The following CCP110 variants were observed in gnomAD, a reference collection of about 807,000 sequenced individuals.
The protein encoded by CCP110 is centriolar coiled-coil protein 110.
Under a neutral mutation model 105.5 loss-of-function variants are expected in CCP110, and 43 were observed. The observed-to-expected ratio is 0.41, with a 90% CI of 0.32 to 0.53. The LOEUF (loss-of-function observed/expected upper bound fraction) is 0.53. Among genes scored for constraint, CCP110 ranks in the 20% least tolerant of loss-of-function variants. The probability of loss-of-function intolerance (pLI) is 0.32; values close to 1 mark genes in which losing one functional copy is unlikely to be tolerated. For synonymous variants in CCP110, 353 were observed against 392.1 expected (o/e 0.90, Z 1.18); for missense variants, 1,016 against 1,189.1 (o/e 0.85, Z 2.14).
intron 1 of CCP110, chr16:19,526,465 C>T (rs988691518): frequency 6.6e-6 from 1 of 152,072 alleles, no homozygotes; most frequent in Non-Finnish European, 1.5e-5. Flanking sequence ...ATTGTTTTTA[C>T]TTTTGCTTTT....
In CCP110 at chr16:19,548,634, A is replaced by G. The variant is rs1420098731; in HGVS notation, c.2986+34A>G. On this transcript the variant is annotated intron_variant, in intron 14 of 14. Coordinates refer to ENST00000381396, the Ensembl canonical transcript of CCP110. The surrounding 1 kb of genome is among the most constrained non-coding windows in gnomAD (Gnocchi z 4.1). ...AAAATAAATTCCTGAAGCCCATTCAATAGAAGGAAGTGCACAAGCTGCCCC... is the reference window on the plus strand; with the variant it reads ...AAAATAAATTCCTGAAGCCCATTCAGTAGAAGGAAGTGCACAAGCTGCCCC... The G allele has an allele frequency of 1.5e-6, 2 of 1,371,340 alleles. No individual in the cohort carries two copies. The highest frequency in any genetic ancestry group is 1.4e-5 in the African/African-American group (1 of 69,154). The allele number at this position is 1,371,340 out of a possible 1,614,324, so 84.9% of individuals were successfully genotyped here. A position where few individuals can be genotyped will look rare whatever the true frequency, so the allele number is the denominator to read the frequency against.
Position 19,532,396 on chromosome 16 carries a change from A to G in CCP110, c.142-20A>G, listed in dbSNP as rs201106183. 40 of 1,562,102 alleles carry G rather than the reference A, an allele frequency of 2.6e-5. No individual in the cohort carries two copies. The Admixed American group carries it at 8.6e-4, about 34-fold the overall frequency. On this transcript the variant is annotated intron_variant, in intron 2 of 14. Coordinates refer to ENST00000381396, the Ensembl canonical transcript of CCP110. ...TATTTTTATCGTGGGAAATAATTACATTTTTATGATGTTTTGCAGCTTAAC... is the reference window on the plus strand; with the variant it reads ...TATTTTTATCGTGGGAAATAATTACGTTTTTATGATGTTTTGCAGCTTAAC...
intron 4 of CCP110, among the ~76,000 whole-genome samples, chr16:19,538,784 G>C (rs1436181475): frequency 6.6e-6 from 1 of 151,972 alleles, no homozygotes; most frequent in East Asian, 1.9e-4. Context: ...ATTAGACAAA[G>C]TATCAGAAAT....
chr16:19,551,137 T>G (rs1970624857), intron 14 of CCP110, 59 bp from the exon 14 acceptor site: 1 of 970,076 alleles, frequency 1.0e-6, no homozygotes, highest in East Asian at 2.4e-5. Flanking sequence ...ACTCATTAAA[T>G]GGTATCATTA....
chr16:19,534,125 A>G (rs17324665), intron 3 of CCP110, among the ~76,000 whole-genome samples: 5,206 of 152,214 alleles, frequency 0.034, 164 homozygotes, highest in Non-Finnish European at 0.048. Context: ...ACAGTAGTAT[A>G]TAGTGTGTGG....
At chr16:19,531,481 G>C (rs74791040) in intron 2 of CCP110, among the ~76,000 whole-genome samples, 5,943 of 152,154 alleles carry the variant, frequency 0.039, 236 homozygotes, top group East Asian at 0.18. Flanking sequence ...CCATTTTTTA[G>C]GTACATTATA....
chr16:19,540,616 C>G, intron 4 of CCP110, 41 bp from the exon 5 acceptor site: 1 of 1,552,542 alleles, frequency 6.4e-7, no homozygotes, highest in Non-Finnish European at 8.9e-7. Context: ...AGACATTAGA[C>G]TTGTGAATTT....
chr16:19,544,743 G>A, intron 8 of CCP110, 54 bp from the exon 9 acceptor site: 1 of 944,356 alleles, frequency 1.1e-6, no homozygotes, highest in Admixed American at 2.0e-5. Context: ...GCAAACTCCA[G>A]TGATCACAAA....
chr16:19,529,113 A>G (rs1480889567), intron 2 of CCP110, among the ~76,000 whole-genome samples: 3 of 152,248 alleles, frequency 2.0e-5, no homozygotes, highest in African/African-American at 7.2e-5. Context: ...ATTCGTAGAT[A>G]TAAAATGGTT....
chr16:19,537,460 A>C (rs1015539839), exon 4 of CCP110: 6 of 1,612,834 alleles, frequency 3.7e-6, no homozygotes, highest in Non-Finnish European at 5.1e-6. Context: ...GTTTGCAAAA[A>C]GAAAACTGCC....
rs1258848271 is a variant in CCP110 at position 19,542,563 on chromosome 16, G to A, written c.2228-58G>A. 1.1e-5 allele frequency: 14 copies of A among 1,319,640 alleles called. No homozygotes were observed. In the African/African-American group the frequency reaches 2.0e-4, roughly 19 times the overall value. The allele number at this position is 1,319,640 out of a possible 1,614,324, so 81.7% of individuals were successfully genotyped here. A position where few individuals can be genotyped will look rare whatever the true frequency, so the allele number is the denominator to read the frequency against. On this transcript the variant is annotated intron_variant, in intron 6 of 14. Transcript: ENST00000381396. The stretch of plus-strand genomic sequence containing the variant: ...GAGTGTCACAAGTGTTTATTGGGAT[G>A]TTCTTCGTATTCTAATTATATGACA...
chr16:19,529,929 C>T (rs1427457357), intron 2 of CCP110, among the ~76,000 whole-genome samples: 1 of 152,222 alleles, frequency 6.6e-6, no homozygotes, highest in Non-Finnish European at 1.5e-5. Flanking sequence ...TGGTGCCTCA[C>T]GCCTATAATC....
At chr16:19,535,901 G>T (rs1597258796) in intron 3 of CCP110, 39 bp from the exon 4 acceptor site, 1 of 1,303,906 alleles carries the variant, frequency 7.7e-7, no homozygotes. Flanking sequence ...GACTTTTTGT[G>T]CAATGAGGAA....
Position 19,542,605 on chromosome 16 carries a change from A to T in CCP110, c.2228-16A>T, listed in dbSNP as rs768988465. On this transcript the variant is annotated splice_polypyrimidine_tract_variant and intron_variant, in intron 6 of 14. Coordinates refer to ENST00000381396, the Ensembl canonical transcript of CCP110. The stretch of plus-strand genomic sequence containing the variant: ...TATATGACATCAAGTATAATACTAT[A>T]TGTATGTTTCTCTAGGTTTCACAAA... 2.5e-6 allele frequency: 4 copies of T among 1,572,034 alleles called. No homozygotes were observed.
At chr16:19,542,115 A>G (rs545157238) in intron 6 of CCP110, 51 bp downstream of exon 6, 2 of 1,263,434 alleles carry the variant, frequency 1.6e-6, no homozygotes, top group Admixed American at 2.4e-5. Flanking sequence ...CTACGGTAAG[A>G]TATTTATTTG....
intron 1 of CCP110, among the ~76,000 whole-genome samples, chr16:19,527,544 G>A (rs1969715868): frequency 6.6e-6 from 1 of 152,150 alleles, no homozygotes; most frequent in African/African-American, 2.4e-5. Context: ...GTTTTACAAT[G>A]TGAAGTTAGT....
At chr16:19,547,863 C>T in intron 12 of CCP110, 92 bp from the exon 13 acceptor site, 4 of 885,932 alleles carry the variant, frequency 4.5e-6, no homozygotes, top group South Asian at 2.7e-5. Context: ...TTGACCTTTA[C>T]CTTACAGTCA....
chr16:19,533,987 G>A (rs1244239444), intron 3 of CCP110, among the ~76,000 whole-genome samples: 1 of 152,118 alleles, frequency 6.6e-6, no homozygotes, highest in African/African-American at 2.4e-5. Flanking sequence ...AAAGTCAAAG[G>A]AATATATAGA....
rs146359379 is a variant in CCP110 at position 19,535,479 on chromosome 16, C to T, written c.271-461C>T. Among the ~76,000 whole-genome samples the T allele has an allele frequency of 7.2e-4, 110 of 152,216 alleles. 2 individuals are homozygous for T. The South Asian group carries it at 0.018, about 25-fold the overall frequency. On this transcript the variant is annotated intron_variant, in intron 3 of 14. Coordinates refer to ENST00000381396, the Ensembl canonical transcript of CCP110. The stretch of plus-strand genomic sequence containing the variant: ...AGTTAGTCTTTGTTAGAGAGGGAAT[C>T]GTTTACGTAAGACATTTCATTACTT...
Sources: allele counts gnomAD v4.1 joint callset (sites outside exome capture counted in the v4.1 genomes callset), GRCh38; gene constraint gnomAD v4.1.1; non-coding constraint Gnocchi (gnomAD v3.1); transcripts MANE v1.5; gene names NCBI Gene and HGNC (gene_info 2026-07-23, HGNC 2026-07-21).